The following MBP variants were observed in gnomAD, a reference collection of about 807,000 sequenced individuals.
The protein encoded by MBP is Golli-MBP.
In MBP, 16 loss-of-function variants were observed where a neutral mutation model predicts 35.8. The ratio of observed to expected loss-of-function variants is 0.45; its 90% CI spans 0.30 to 0.68. MBP has a LOEUF of 0.68. Ranked by LOEUF, MBP falls within the 30% of genes least tolerant of loss-of-function variation. The pLI is 0.08. For synonymous variants in MBP, 143 were observed against 159.6 expected (o/e 0.90, Z 0.78); for missense variants, 380 against 404.7 (o/e 0.94, Z 0.52).
intron 1 of MBP, chr18:77,112,847 A>G (rs1398641506): frequency 6.6e-6 from 1 of 152,234 alleles, no homozygotes; most frequent in Non-Finnish European, 1.5e-5. Context: ...ATTTGGAAGG[A>G]AGGTTTTGTA....
At chr18:77,068,978 C>T (rs766447682) in intron 2 of MBP, 47 of 475,652 alleles carry the variant, frequency 9.9e-5, no homozygotes, top group South Asian at 5.9e-4. Flanking sequence ...GACCTCACCT[C>T]GGGGCCTCTG....
At chr18:77,111,960 T>C (rs577807096) in intron 1 of MBP, among the ~76,000 whole-genome samples, 108 of 152,332 alleles carry the variant, frequency 7.1e-4, no homozygotes, top group Non-Finnish European at 1.1e-3. Context: ...CTTCTTTCAC[T>C]ATCCTTGTCT....
chr18:77,075,445 A>G (rs1325673350), intron 2 of MBP, among the ~76,000 whole-genome samples: 1 of 152,240 alleles, frequency 6.6e-6, no homozygotes, highest in African/African-American at 2.4e-5. Context: ...TGACACGTCC[A>G]GACGGCAGCG....
At chr18:77,007,159 T>C (rs1971030640) in intron 4 of MBP, among the ~76,000 whole-genome samples, 1 of 152,216 alleles carries the variant, frequency 6.6e-6, no homozygotes. Context: ...TCCCTCTGTA[T>C]TTTAAAACCA....
chr18:77,099,535 C>A (rs1303180016), intron 2 of MBP, among the ~76,000 whole-genome samples: 1 of 152,216 alleles, frequency 6.6e-6, no homozygotes, highest in African/African-American at 2.4e-5. Context: ...TTCCTGTGGC[C>A]ACGAGAAGAC....
rs1244721637 is a variant in MBP, at chr18:77,018,960, CCATT to C, written c.140-1696_140-1693del. ...CCTACCTGTTCATCCATCCATCTAT[CCATT>C]CATCCATCCATCCATCCATCCATCC... On this transcript the variant is annotated intron_variant, in intron 3 of 8. Coordinates refer to ENST00000355994, the MANE Select transcript of MBP (RefSeq NM_001025101.2). Among the ~76,000 whole-genome samples the C allele has an allele frequency of 2.1e-3, 281 of 136,900 alleles. 3 individuals carry two copies. The highest frequency in any genetic ancestry group is 7.6e-3 in the African/African-American group (270 of 35,606). The allele number at this position is 136,900 out of a possible 152,430, so 89.8% of individuals were successfully genotyped here. A position where few individuals can be genotyped will look rare whatever the true frequency, so the allele number is the denominator to read the frequency against.
At chr18:76,985,518 C>T (rs1406969929) in intron 7 of MBP, 4 of 1,159,828 alleles carry the variant, frequency 3.4e-6, no homozygotes, top group African/African-American at 1.6e-5. Context: ...GAGCTCTCTC[C>T]CAGGGTGAGC....
At chr18:77,128,729 G>T (rs545630866) in intron 1 of MBP, among the ~76,000 whole-genome samples, 6 of 152,206 alleles carry the variant, frequency 3.9e-5, no homozygotes, top group Non-Finnish European at 8.8e-5. Flanking sequence ...TCTCAAAACA[G>T]GGTTTTACTA....
intron 3 of MBP, among the ~76,000 whole-genome samples, chr18:77,050,056 T>A (rs1973424413): frequency 6.6e-6 from 1 of 152,236 alleles, no homozygotes; most frequent in South Asian, 2.1e-4. Flanking sequence ...CATTTTTTAC[T>A]TAGTGTAGAG....
intron 4 of MBP, chr18:77,005,334 G>C (rs1970885660): frequency 1.3e-5 from 2 of 152,262 alleles, no homozygotes; most frequent in Non-Finnish European, 2.9e-5. Flanking sequence ...TTGGCACCTT[G>C]ATGGCAGCCC....
intron 4 of MBP, among the ~76,000 whole-genome samples, chr18:77,007,510 C>T (rs1442662140): frequency 6.6e-6 from 1 of 152,220 alleles, no homozygotes; most frequent in African/African-American, 2.4e-5. Context: ...TAGCACGCAT[C>T]CCTGGGAGGG....
chr18:77,063,054 G>A (rs1028558837), intron 3 of MBP, among the ~76,000 whole-genome samples: 2 of 152,122 alleles, frequency 1.3e-5, no homozygotes, highest in Admixed American at 1.3e-4. Context: ...CGTACTGATG[G>A]GATTTACTAT....
intron 3 of MBP, among the ~76,000 whole-genome samples, chr18:77,025,987 G>A (rs761795055): frequency 5.2e-4 from 79 of 152,288 alleles, no homozygotes; most frequent in Non-Finnish European, 8.4e-4. Context: ...TGAGTGCATC[G>A]CTCATCCCGC....
intron 3 of MBP, 70 bp from the exon 4 acceptor site, chr18:77,017,338 G>A: frequency 2.1e-6 from 3 of 1,405,932 alleles, no homozygotes; most frequent in East Asian, 2.3e-5. Context: ...AGCTTTCTCT[G>A]AGGGGTCTTG....
intron 2 of MBP, among the ~76,000 whole-genome samples, chr18:77,072,138 G>A (rs1007033488): frequency 6.6e-6 from 1 of 152,006 alleles, no homozygotes; most frequent in Non-Finnish European, 1.5e-5. Context: ...GGATCCTGCC[G>A]GCGTACACAC....
intron 1 of MBP, among the ~76,000 whole-genome samples, chr18:77,129,241 T>A (rs572747188): frequency 4.7e-4 from 71 of 152,382 alleles, no homozygotes; most frequent in African/African-American, 1.6e-3. Context: ...CGCAGTGCTA[T>A]TCACAGAGTC....
At chr18:77,110,081 T>G (rs1976399839) in intron 1 of MBP, 1 of 152,244 alleles carries the variant, frequency 6.6e-6, no homozygotes, top group African/African-American at 2.4e-5. Context: ...CCCTGTAAGC[T>G]TCATTCCCAT....
chr18:77,084,931 G>T (rs1310557556), intron 2 of MBP, among the ~76,000 whole-genome samples: 1 of 146,772 alleles, frequency 6.8e-6, no homozygotes, highest in Non-Finnish European at 1.5e-5. Context: ...AAAATAAGAA[G>T]GATGATCACA....
At position 76,988,262 on chromosome 18, in the gene MBP, C is replaced by G; in HGVS notation, c.750+233G>C. On this transcript the variant is annotated intron_variant, in intron 7 of 8. Coordinates refer to ENST00000355994, the MANE Select transcript of MBP (RefSeq NM_001025101.2). The surrounding 1 kb of genome is among the most constrained non-coding windows in gnomAD (Gnocchi z 5.2). Reference sequence around the variant, plus strand: ...TCTGGGAGAAGAGGATCTGGCCTTGCAGGGCTGGGTCCCCGGCACAGAAGC... The same window carrying G: ...TCTGGGAGAAGAGGATCTGGCCTTGGAGGGCTGGGTCCCCGGCACAGAAGC... 1 of 1,550,592 alleles carries G rather than the reference C, an allele frequency of 6.4e-7. No homozygotes were observed. Among genetic ancestry groups the G allele is most frequent in the Non-Finnish European group, 8.7e-7 (1 of 1,147,074 alleles).
Sources: allele counts gnomAD v4.1 joint callset (sites outside exome capture counted in the v4.1 genomes callset), GRCh38; gene constraint gnomAD v4.1.1; non-coding constraint Gnocchi (gnomAD v3.1); transcripts MANE v1.5; gene names NCBI Gene and HGNC (gene_info 2026-07-23, HGNC 2026-07-21).